CLEC16A: variants seen among roughly 807,000 people sequenced by gnomAD.
CLEC16A encodes the protein C-type lectin domain containing 16A.
In CLEC16A, 51 loss-of-function variants were observed where a neutral mutation model predicts 109.5. The observed-to-expected ratio is 0.47, with a 90% confidence interval of 0.37 to 0.59. The LOEUF is 0.59. Among genes scored for constraint, CLEC16A ranks in the 20% least tolerant of loss-of-function variants. The probability of loss-of-function intolerance (pLI) is 0.00; values close to 1 mark genes in which losing one functional copy is unlikely to be tolerated. For missense variants in CLEC16A, 1,339 were observed against 1,394.0 expected (o/e 0.96, Z 0.63); for synonymous variants, 673 against 564.2 (o/e 1.19, Z -2.73).
intron 13 of CLEC16A, among the ~76,000 whole-genome samples, chr16:11,031,073 T>C (rs1319293654): frequency 6.6e-6 from 1 of 152,222 alleles, no homozygotes; most frequent in African/African-American, 2.4e-5. Flanking sequence ...GCCTTTTCTC[T>C]GTATTTTTTC....
intron 22 of CLEC16A, among the ~76,000 whole-genome samples, chr16:11,163,244 A>G (rs27908): frequency 0.69 from 104,238 of 152,128 alleles, 36,647 homozygotes; most frequent in African/African-American, 0.82. Context: ...ATGTGTTGCC[A>G]CTTTGATTTG....
At chr16:10,986,296 C>T (rs1377188405) in intron 10 of CLEC16A, among the ~76,000 whole-genome samples, 3 of 151,978 alleles carry the variant, frequency 2.0e-5, no homozygotes, top group Non-Finnish European at 4.4e-5. Context: ...TCCCAAAGTG[C>T]TGAGATTACA....
chr16:10,985,419 G>A (rs528225195), intron 10 of CLEC16A, among the ~76,000 whole-genome samples: 163 of 152,068 alleles, frequency 1.1e-3, no homozygotes, highest in African/African-American at 3.8e-3. Context: ...ACGTTTCTAC[G>A]GGAAGCTTCG....
intron 10 of CLEC16A, among the ~76,000 whole-genome samples, chr16:10,998,392 G>A (rs2044456869): frequency 6.6e-6 from 1 of 152,120 alleles, no homozygotes; most frequent in South Asian, 2.1e-4. Context: ...TCCTCCTGTA[G>A]CCCAGCCTCA....
intron 11 of CLEC16A, among the ~76,000 whole-genome samples, chr16:11,017,440 G>A (rs2045826580): frequency 6.6e-6 from 1 of 152,300 alleles, no homozygotes; most frequent in Admixed American, 6.5e-5. Context: ...ATAAGGGGGA[G>A]GAAGGACAAA....
At chr16:11,079,893 C>G (rs898282723) in intron 19 of CLEC16A, among the ~76,000 whole-genome samples, 3 of 152,216 alleles carry the variant, frequency 2.0e-5, no homozygotes, top group Non-Finnish European at 4.4e-5. Context: ...TGCTGGCAGA[C>G]TCTGGGAAAT....
intron 9 of CLEC16A, 63 bp from the exon 10 acceptor site, chr16:10,982,815 G>C: frequency 1.0e-6 from 1 of 954,688 alleles, no homozygotes. Flanking sequence ...TCTGATCCAG[G>C]AAGCAAGAGG....
At chr16:11,008,205 G>A (rs1023888002) in intron 11 of CLEC16A, among the ~76,000 whole-genome samples, 2 of 152,084 alleles carry the variant, frequency 1.3e-5, no homozygotes, top group Non-Finnish European at 2.9e-5. Context: ...TCCTTTGAAG[G>A]TCTTATTCCC....
At chr16:11,153,226 C>T (rs897410224) in intron 22 of CLEC16A, among the ~76,000 whole-genome samples, 3 of 152,102 alleles carry the variant, frequency 2.0e-5, no homozygotes, top group Non-Finnish European at 4.4e-5. Flanking sequence ...CCCAACTGTG[C>T]AATTGGCATC....
intron 20 of CLEC16A, among the ~76,000 whole-genome samples, chr16:11,122,008 C>A (rs377201516): frequency 6.6e-6 from 1 of 151,844 alleles, no homozygotes; most frequent in Non-Finnish European, 1.5e-5. Context: ...CTCTGCCATA[C>A]CCCTTGTCCC....
In CLEC16A at chr16:11,149,608, A is replaced by G. The variant is rs1027776993; in HGVS notation, c.2642-16780A>G. ...AGAGTTCAAGACCAGCCTGAGCAACATGGCAAAACCCCATCTCCACTAAAA... is the reference window on the plus strand; with the variant it reads ...AGAGTTCAAGACCAGCCTGAGCAACGTGGCAAAACCCCATCTCCACTAAAA... On this transcript the variant is annotated intron_variant, in intron 22 of 23. Coordinates refer to ENST00000409790, the MANE Select transcript of CLEC16A (RefSeq NM_015226.3). Among the ~76,000 whole-genome samples, 15 of 152,250 alleles carry G rather than the reference A, an allele frequency of 9.9e-5. No homozygotes were observed. In the East Asian group the frequency reaches 1.9e-3, roughly 20 times the overall value.
chr16:10,971,999 G>C (rs1388521405), intron 5 of CLEC16A, among the ~76,000 whole-genome samples: 4 of 152,226 alleles, frequency 2.6e-5, no homozygotes, highest in Admixed American at 1.3e-4. Flanking sequence ...CTCCAGCCTA[G>C]CACTGGGCTT....
intron 10 of CLEC16A, 50 bp from the exon 11 acceptor site, chr16:11,003,024 C>T (rs202185720): frequency 1.4e-5 from 20 of 1,457,168 alleles, no homozygotes; most frequent in Non-Finnish European, 9.3e-7. Context: ...TAGCATCCAG[C>T]AGGATTCTAG....
chr16:11,033,276 G>A (rs1442295945), intron 13 of CLEC16A, among the ~76,000 whole-genome samples: 1 of 152,060 alleles, frequency 6.6e-6, no homozygotes, highest in African/African-American at 2.4e-5. Flanking sequence ...GGGGTGAGGG[G>A]TTCTGGTTGA....
intron 10 of CLEC16A, among the ~76,000 whole-genome samples, chr16:10,997,348 T>C (rs960076958): frequency 9.2e-5 from 14 of 152,236 alleles, no homozygotes; most frequent in African/African-American, 3.4e-4. Context: ...TTGATGATTT[T>C]GTGCACATGA....
chr16:11,102,829 A>T (rs34846673), intron 19 of CLEC16A, among the ~76,000 whole-genome samples: 1 of 152,176 alleles, frequency 6.6e-6, no homozygotes, highest in Non-Finnish European at 1.5e-5. Flanking sequence ...CCTTACAAAC[A>T]TCATTGAGTT....
chr16:11,114,549 T>C (rs1262739695), intron 19 of CLEC16A, among the ~76,000 whole-genome samples: 1 of 152,190 alleles, frequency 6.6e-6, no homozygotes, highest in Non-Finnish European at 1.5e-5. Context: ...ATACTCCTGC[T>C]GGCTCCCAAA....
intron 11 of CLEC16A, among the ~76,000 whole-genome samples, chr16:11,010,481 C>G (rs2045334375): frequency 6.6e-6 from 1 of 152,030 alleles, no homozygotes; most frequent in Non-Finnish European, 1.5e-5. Context: ...TAAAGAACAC[C>G]TGTTTACCCT....
At chr16:11,164,183 C>T (rs1037992474) in intron 22 of CLEC16A, among the ~76,000 whole-genome samples, 20 of 152,294 alleles carry the variant, frequency 1.3e-4, no homozygotes, top group African/African-American at 3.4e-4. Context: ...GCGGTAGGTG[C>T]GGGCAGGAAA....
Sources: gnomAD v4.1 joint callset for allele counts (sites outside exome capture counted in the v4.1 genomes callset) on GRCh38, gnomAD v4.1.1 for gene constraint, MANE v1.5 for transcripts, NCBI Gene and HGNC (gene_info 2026-07-23, HGNC 2026-07-21) for gene names.